Variants in WIPF3 observed in about 807,000 individuals in gnomAD.
WIPF3 encodes the protein WAS/WASL interacting protein family member 3, also known as WAS/WASL-interacting protein family member 3.
A neutral mutation model predicts 38.9 loss-of-function variants in WIPF3; 33 were observed. That is an observed-to-expected ratio of 0.85 (90% CI 0.64 to 1.14). The LOEUF (loss-of-function observed/expected upper bound fraction) is 1.14. Among genes scored for constraint, WIPF3 ranks in the 50% most tolerant of loss-of-function variants. WIPF3 has a pLI of 0.00. For synonymous variants in WIPF3, 324 were observed against 269.3 expected (o/e 1.20, Z -1.99); for missense variants, 711 against 652.5 (o/e 1.09, Z -0.98).
At chr7:29,850,490 C>T (rs1033568717) in intron 2 of WIPF3, among the ~76,000 whole-genome samples, 1 of 152,242 alleles carries the variant, frequency 6.6e-6, no homozygotes, top group African/African-American at 2.4e-5. Flanking sequence ...ACTCCAGGGC[C>T]TCTCCCGAGC....
intron 8 of WIPF3, chr7:29,904,616 T>C (rs1786355907): frequency 2.2e-6 from 1 of 464,820 alleles, no homozygotes; most frequent in African/African-American, 2.0e-5. Context: ...ACTCTGACAT[T>C]CTGCAACAAT....
intron 2 of WIPF3, among the ~76,000 whole-genome samples, chr7:29,848,137 C>T (rs1785031805): frequency 6.6e-6 from 1 of 152,034 alleles, no homozygotes; most frequent in Non-Finnish European, 1.5e-5. Context: ...CTTGGGCCCA[C>T]GGGTGTAGCA....
intron 7 of WIPF3, among the ~76,000 whole-genome samples, chr7:29,897,884 G>A (rs147543532): frequency 6.6e-6 from 1 of 152,296 alleles, no homozygotes; most frequent in Non-Finnish European, 1.5e-5. Flanking sequence ...TTTTACCACA[G>A]CTTCTGTCCT....
chr7:29,847,518 A>G (rs1451668681), intron 2 of WIPF3, among the ~76,000 whole-genome samples: 1 of 152,188 alleles, frequency 6.6e-6, no homozygotes, highest in Non-Finnish European at 1.5e-5. Flanking sequence ...GAAATTATCT[A>G]TTTTATGTTT....
intron 2 of WIPF3, among the ~76,000 whole-genome samples, chr7:29,867,137 A>C (rs1041971832): frequency 6.6e-6 from 1 of 152,224 alleles, no homozygotes; most frequent in African/African-American, 2.4e-5. Context: ...TGGTATTGTC[A>C]TTGTCACCCA....
At chr7:29,833,036 CATT>C (rs1476757923) in intron 1 of WIPF3, among the ~76,000 whole-genome samples, 6 of 152,184 alleles carry the variant, frequency 3.9e-5, no homozygotes, top group Non-Finnish European at 7.3e-5. Flanking sequence ...AAGTTGAAAA[CATT>C]ATGCTAAATG....
At chr7:29,840,837 G>T (rs1784901597) in intron 2 of WIPF3, among the ~76,000 whole-genome samples, 1 of 152,054 alleles carries the variant, frequency 6.6e-6, no homozygotes, top group South Asian at 2.1e-4. Flanking sequence ...AAACATCAGG[G>T]CTAAAGGAGA....
At chr7:29,885,056 G>A (rs1295504371) in intron 5 of WIPF3, among the ~76,000 whole-genome samples, 2 of 152,112 alleles carry the variant, frequency 1.3e-5, no homozygotes, top group Admixed American at 1.3e-4. Context: ...ATTTGCCCGC[G>A]TTTTCCTATC....
At chr7:29,882,251 T>C (rs1785735413) in intron 4 of WIPF3, among the ~76,000 whole-genome samples, 1 of 152,262 alleles carries the variant, frequency 6.6e-6, no homozygotes, top group South Asian at 2.1e-4. Context: ...TAGGCTTTGC[T>C]CTGTTTTGTA....
At position 29,888,348 on chromosome 7, in the gene WIPF3, A is replaced by G. The variant is rs1785928920; in HGVS notation, c.1249+131A>G. 4.2e-6 allele frequency: 5 copies of G among 1,199,424 alleles called. No homozygotes were observed. The South Asian group carries it at 7.8e-5, about 19-fold the overall frequency. The allele number at this position is 1,199,424 out of a possible 1,614,324, so 74.3% of individuals were successfully genotyped here. Reference sequence around the variant, plus strand: ...ATGCTTCTTTCATGAACAGGGGCTCACTCCAGCACCAACCAGCCCATAGGT... The same window carrying G: ...ATGCTTCTTTCATGAACAGGGGCTCGCTCCAGCACCAACCAGCCCATAGGT... On this transcript the variant is annotated intron_variant, in intron 6 of 8. Transcript: ENST00000242140.
At chr7:29,815,101 A>G (rs1784436196) in intron 1 of WIPF3, among the ~76,000 whole-genome samples, 4 of 152,184 alleles carry the variant, frequency 2.6e-5, no homozygotes, top group Admixed American at 2.6e-4. Flanking sequence ...TTTTTGTTTC[A>G]GTCATGCTTC....
chr7:29,859,504 G>A (rs1300802450), intron 2 of WIPF3, among the ~76,000 whole-genome samples: 1 of 152,142 alleles, frequency 6.6e-6, no homozygotes, highest in Non-Finnish European at 1.5e-5. Flanking sequence ...GTTTTGTTTT[G>A]TTTTGTTTGG....
chr7:29,841,448 C>G (rs753344644), intron 2 of WIPF3, among the ~76,000 whole-genome samples: 1 of 152,224 alleles, frequency 6.6e-6, no homozygotes, highest in Non-Finnish European at 1.5e-5. Flanking sequence ...GACGGGCTCT[C>G]TTCATCTCCT....
intron 4 of WIPF3, among the ~76,000 whole-genome samples, chr7:29,882,334 G>T (rs1431322630): frequency 6.6e-6 from 1 of 152,206 alleles, no homozygotes; most frequent in Non-Finnish European, 1.5e-5. Context: ...TTAGGCAGCT[G>T]CCTAGGTTCT....
intron 7 of WIPF3, among the ~76,000 whole-genome samples, chr7:29,893,289 G>GCC (rs1376433915): frequency 3.4e-4 from 52 of 152,220 alleles, no homozygotes; most frequent in Admixed American, 3.9e-4. Context: ...ATGGTGAGGG[G>GCC]AGGTGGCTAA....
intron 8 of WIPF3, among the ~76,000 whole-genome samples, chr7:29,912,298 A>T (rs1786519322): frequency 6.6e-6 from 1 of 152,230 alleles, no homozygotes; most frequent in South Asian, 2.1e-4. Flanking sequence ...AAAGATGTGG[A>T]GAAAATGGAA....
chr7:29,909,898 A>G (rs1421228957), intron 8 of WIPF3, among the ~76,000 whole-genome samples: 3 of 104,912 alleles, frequency 2.9e-5, no homozygotes, highest in Non-Finnish European at 6.8e-5. Context: ...CCTGTCTCAA[A>G]AAAAAAAAGA....
intron 7 of WIPF3, among the ~76,000 whole-genome samples, chr7:29,898,083 T>G (rs550540049): frequency 1.6e-4 from 24 of 152,314 alleles, no homozygotes; most frequent in African/African-American, 5.1e-4. Context: ...AGCACCATGG[T>G]AAGCGCTCTT....
rs527305409 is a variant in WIPF3 at position 29,899,945 on chromosome 7, G to A, written c.1352-4341G>A. 4.6e-5 allele frequency among the ~76,000 whole-genome samples: 7 copies of A among 152,066 alleles called. No homozygotes were observed. The South Asian group carries it at 1.5e-3, about 32-fold the overall frequency. On this transcript the variant is annotated intron_variant, in intron 7 of 8. Coordinates refer to ENST00000242140, the MANE Select transcript of WIPF3 (RefSeq NM_001080529.3). ...TATTTATTCATTTATTTAGAGATTAGGTCTCACTCTATTGCCCTGGCTCAC... is the reference window on the plus strand; with the variant it reads ...TATTTATTCATTTATTTAGAGATTAAGTCTCACTCTATTGCCCTGGCTCAC...
Sources: allele counts gnomAD v4.1 joint callset (sites outside exome capture counted in the v4.1 genomes callset), GRCh38; gene constraint gnomAD v4.1.1; transcripts MANE v1.5; gene names NCBI Gene and HGNC (gene_info 2026-07-23, HGNC 2026-07-21).